The following AKIRIN2 variants were observed in gnomAD, a reference collection of about 807,000 sequenced individuals.
The protein encoded by AKIRIN2 is akirin 2, also known as akirin-2.
Under a neutral mutation model 29.3 loss-of-function variants are expected in AKIRIN2, and 6 were observed. The ratio of observed to expected loss-of-function variants is 0.20; its 90% CI spans 0.11 to 0.40. The LOEUF is 0.40. Among genes scored for constraint, AKIRIN2 ranks in the 10% least tolerant of loss-of-function variants. AKIRIN2 has a pLI of 1.00. For missense variants in AKIRIN2, 210 were observed against 276.1 expected, an observed-to-expected ratio of 0.76 and a Z score of 1.70; for synonymous variants, 128 against 117.5, an observed-to-expected ratio of 1.09 and a Z score of -0.58.
intron 1 of AKIRIN2, among the ~76,000 whole-genome samples, chr6:87,689,878 G>T (rs1771251510): frequency 6.6e-6 from 1 of 152,144 alleles, no homozygotes; most frequent in East Asian, 1.9e-4. Context: ...TACACATCTG[G>T]AACTATGCGT....
intron 1 of AKIRIN2, among the ~76,000 whole-genome samples, chr6:87,692,640 T>C (rs1024627338): frequency 2.6e-5 from 4 of 151,794 alleles, no homozygotes; most frequent in Admixed American, 1.3e-4. Flanking sequence ...GGCAAAACCC[T>C]GTCTCTACTA....
intron 1 of AKIRIN2, among the ~76,000 whole-genome samples, chr6:87,686,970 C>T (rs1165921355): frequency 2.1e-5 from 3 of 145,796 alleles, no homozygotes; most frequent in Non-Finnish European, 4.5e-5. Flanking sequence ...TGCTTGAACA[C>T]GGGAGGTGAA....
intron 3 of AKIRIN2, 100 bp from the exon 4 acceptor site, chr6:87,676,031 C>CA: frequency 1.0e-6 from 1 of 964,966 alleles, no homozygotes; most frequent in Non-Finnish European, 1.6e-6. Context: ...TCTAAGTTGA[C>CA]AAAATCACTT....
intron 1 of AKIRIN2, among the ~76,000 whole-genome samples, chr6:87,695,706 T>G (rs1186260764): frequency 2.0e-5 from 3 of 152,186 alleles, no homozygotes; most frequent in Non-Finnish European, 4.4e-5. Flanking sequence ...AACCAACTAT[T>G]CAAGAGGCCC....
At chr6:87,692,333 A>G (rs1245673425) in intron 1 of AKIRIN2, among the ~76,000 whole-genome samples, 1 of 152,154 alleles carries the variant, frequency 6.6e-6, no homozygotes, top group Non-Finnish European at 1.5e-5. Flanking sequence ...TGCTACTATC[A>G]TCATGTGCAC....
intron 3 of AKIRIN2, 77 bp from the exon 4 acceptor site, chr6:87,676,008 A>T (rs1461445582): frequency 8.3e-7 from 1 of 1,200,506 alleles, no homozygotes; most frequent in Admixed American, 2.0e-5. Flanking sequence ...CACAAAATAT[A>T]CAGTAAAACA....
intron 1 of AKIRIN2, among the ~76,000 whole-genome samples, chr6:87,687,810 G>C (rs989038555): frequency 1.3e-5 from 2 of 152,090 alleles, no homozygotes; most frequent in African/African-American, 4.8e-5. Flanking sequence ...CTACTTTTAA[G>C]TATTTTCTCA....
At position 87,676,229 on chromosome 6, in the gene AKIRIN2, C is replaced by T. The variant is rs756542181; in HGVS notation, c.530-298G>A. 1.8e-4 allele frequency among the ~76,000 whole-genome samples: 27 copies of T among 151,778 alleles called. No homozygotes were observed. In the Middle Eastern group the frequency reaches 0.01, roughly 58 times the overall value. On this transcript the variant is annotated intron_variant, in intron 3 of 4. Transcript: ENST00000257787. ...CCTGTAATCCAAGCACTCTGGGAGGCCGAGGCGGGCGGATCACAAGGTCAG... is the reference window on the plus strand; with the variant it reads ...CCTGTAATCCAAGCACTCTGGGAGGTCGAGGCGGGCGGATCACAAGGTCAG...
intron 1 of AKIRIN2, among the ~76,000 whole-genome samples, chr6:87,691,064 A>C (rs1419227129): frequency 6.6e-6 from 1 of 152,226 alleles, no homozygotes; most frequent in African/African-American, 2.4e-5. Flanking sequence ...TTTGTAAATT[A>C]GTTGTGAACA....
chr6:87,696,256 T>G (rs1033450695), intron 1 of AKIRIN2, among the ~76,000 whole-genome samples: 6 of 152,110 alleles, frequency 3.9e-5, no homozygotes, highest in Non-Finnish European at 8.8e-5. Flanking sequence ...TGAAGAAATT[T>G]ATATTATTCT....
At chr6:87,687,158 T>G (rs2128301805) in intron 1 of AKIRIN2, among the ~76,000 whole-genome samples, 1 of 149,804 alleles carries the variant, frequency 6.7e-6, no homozygotes, top group African/African-American at 2.5e-5. Context: ...CATTAAGACT[T>G]AAAACTAAGA....
rs139451080 is a variant in AKIRIN2 at position 87,701,526 on chromosome 6, A to T, written c.159T>A (p.Ala53=). The T allele has an allele frequency of 2.5e-3, 3,579 of 1,445,644 alleles. 17 individuals carry two copies. The highest frequency in any genetic ancestry group is 8.8e-3 in the South Asian group (631 of 71,938). The allele number at this position is 1,445,644 out of a possible 1,614,324, so 89.6% of individuals were successfully genotyped here. A position where few individuals can be genotyped will look rare whatever the true frequency, so the allele number is the denominator to read the frequency against. Residue 53 remains alanine, a synonymous_variant, in exon 1 of 5, where the codon GCT becomes GCA. Coordinates refer to ENST00000257787, the MANE Select transcript of AKIRIN2 (RefSeq NM_018064.4). ...GATACTTCTGCGGCGAGGCGGCCGCAGCGGAGAAGGAGGCGGCGGTGGCCG... is the reference window on the plus strand; with the variant it reads ...GATACTTCTGCGGCGAGGCGGCCGCTGCGGAGAAGGAGGCGGCGGTGGCCG... ...AAAATAASFS[A]AAASPQKYLR... is the part of the protein sequence containing the mutation.
At chr6:87,701,378 C>G in intron 1 of AKIRIN2, 72 bp downstream of exon 1, 11 of 1,445,178 alleles carry the variant, frequency 7.6e-6, no homozygotes, top group Non-Finnish European at 1.0e-5. Flanking sequence ...CCCCAGGGGC[C>G]GCATCCCACA....
chr6:87,696,358 T>C (rs1771363069), intron 1 of AKIRIN2, among the ~76,000 whole-genome samples: 1 of 152,144 alleles, frequency 6.6e-6, no homozygotes, highest in Non-Finnish European at 1.5e-5. Flanking sequence ...TAGCCATGTT[T>C]AGCCTATGTG....
At chr6:87,700,358 C>T (rs965016003) in intron 1 of AKIRIN2, among the ~76,000 whole-genome samples, 2 of 151,508 alleles carry the variant, frequency 1.3e-5, no homozygotes, top group Non-Finnish European at 2.9e-5. Flanking sequence ...GATAACGAGA[C>T]ATTTAAATCA....
chr6:87,702,220 C>T lies in AKIRIN2; in HGVS notation c.-536G>A, dbSNP rs1411927000. 1 of 397,310 alleles carries T rather than the reference C, an allele frequency of 2.5e-6. No homozygotes were observed. Among genetic ancestry groups the T allele is most frequent in the Non-Finnish European group, 4.4e-6 (1 of 225,682 alleles). The allele number at this position is 397,310 out of a possible 1,614,324, so 24.6% of individuals were successfully genotyped here. A position where few individuals can be genotyped will look rare whatever the true frequency, so the allele number is the denominator to read the frequency against. On this transcript the variant is annotated 5_prime_UTR_variant, in exon 1 of 5. Transcript: ENST00000257787. ...CGAACACGTCCAACCGCTTCCCCTC[C>T]CTCGTAGAACTCTCCCACCCGCCGC...
At chr6:87,686,837 G>A (rs1359939874) in intron 1 of AKIRIN2, among the ~76,000 whole-genome samples, 3 of 152,006 alleles carry the variant, frequency 2.0e-5, no homozygotes, top group African/African-American at 7.3e-5. Flanking sequence ...CCTGAGGTCA[G>A]GAGTTCGAGA....
chr6:87,697,630 G>A (rs187617766), intron 1 of AKIRIN2, among the ~76,000 whole-genome samples: 52 of 152,262 alleles, frequency 3.4e-4, no homozygotes, highest in Admixed American at 2.5e-3. Flanking sequence ...TCATTTGTTC[G>A]CCTAGAACCA....
chr6:87,675,399 G>C lies in AKIRIN2; in HGVS notation c.*198C>G, dbSNP rs545896044. The C allele has an allele frequency of 1.6e-6, 1 of 642,384 alleles. No homozygotes were observed. Among genetic ancestry groups the C allele is most frequent in the African/African-American group, 1.8e-5 (1 of 54,680 alleles). The allele number at this position is 642,384 out of a possible 1,614,324, so 39.8% of individuals were successfully genotyped here. On this transcript the variant is annotated 3_prime_UTR_variant, in exon 5 of 5. Coordinates refer to ENST00000257787, the MANE Select transcript of AKIRIN2 (RefSeq NM_018064.4). The stretch of plus-strand genomic sequence containing the variant: ...CACTGGTATTAATACAGGTAGCAAA[G>C]GTCCACATCCAGGTGGTACTGACAT...
Sources: allele counts gnomAD v4.1 joint callset (sites outside exome capture counted in the v4.1 genomes callset), GRCh38; gene constraint gnomAD v4.1.1; transcripts MANE v1.5; gene names NCBI Gene and HGNC (gene_info 2026-07-23, HGNC 2026-07-21).